Variants in ACYP2 observed in about 807,000 individuals in gnomAD.
ACYP2 encodes the protein acylphosphatase 2.
ACYP2 carries 12 observed loss-of-function variants against 11.2 expected under a neutral mutation model. That is an observed-to-expected ratio of 1.08 (90% CI 0.69 to 1.74). The LOEUF is 1.74. ACYP2 is among the 40% of genes most tolerant of loss of function. The pLI, the probability that ACYP2 is intolerant of heterozygous loss-of-function variation, is 0.00. For synonymous variants in ACYP2, 43 were observed against 32.2 expected (o/e 1.33, Z -1.13); for missense variants, 134 against 101.9 (o/e 1.31, Z -1.35).
chr2:54,141,642 A>G (rs1177400717), intron 6 of ACYP2, among the ~76,000 whole-genome samples: 5 of 152,136 alleles, frequency 3.3e-5, no homozygotes, highest in African/African-American at 1.2e-4. Flanking sequence ...AGTATACCAT[A>G]TTGATTTAAT....
At chr2:53,981,888 GATGT>G (rs1292979842) in intron 2 of ACYP2, among the ~76,000 whole-genome samples, 1 of 152,108 alleles carries the variant, frequency 6.6e-6, no homozygotes, top group African/African-American at 2.4e-5. Flanking sequence ...GTCATTAAGT[GATGT>G]ATTTATTTAA....
intron 6 of ACYP2, among the ~76,000 whole-genome samples, chr2:54,172,253 T>C (rs573884376): frequency 7.7e-4 from 117 of 152,136 alleles, no homozygotes; most frequent in African/African-American, 2.8e-3. Flanking sequence ...CTAACCATGG[T>C]CATTAAAAAA....
chr2:54,225,628 G>A (rs1685983322), intron 6 of ACYP2, among the ~76,000 whole-genome samples: 1 of 151,982 alleles, frequency 6.6e-6, no homozygotes, highest in African/African-American at 2.4e-5. Flanking sequence ...TTTTAACTTC[G>A]TCTTTTGTAT....
intron 2 of ACYP2, among the ~76,000 whole-genome samples, chr2:53,976,860 A>G (rs1241692712): frequency 6.6e-6 from 1 of 152,176 alleles, no homozygotes; most frequent in Non-Finnish European, 1.5e-5. Flanking sequence ...GCATTCTGTC[A>G]TTTCACTAAA....
chr2:54,228,475 T>C (rs781230535), intron 6 of ACYP2, among the ~76,000 whole-genome samples: 2 of 152,196 alleles, frequency 1.3e-5, no homozygotes, highest in Non-Finnish European at 2.9e-5. Context: ...CTTAAGGTCA[T>C]ACGATCTGTG....
chr2:54,051,697 G>A (rs1385248892), intron 3 of ACYP2: 2 of 634,856 alleles, frequency 3.2e-6, no homozygotes, highest in Non-Finnish European at 5.7e-6. Flanking sequence ...TTGAGCTAAA[G>A]GAAAGCCTGA....
intron 6 of ACYP2, among the ~76,000 whole-genome samples, chr2:54,215,799 A>C (rs1459446395): frequency 6.6e-6 from 1 of 152,192 alleles, no homozygotes; most frequent in Non-Finnish European, 1.5e-5. Context: ...CATTGTATTT[A>C]TGTATAAAAT....
At chr2:54,023,390 A>G (rs1216182260) in intron 2 of ACYP2, among the ~76,000 whole-genome samples, 1 of 152,170 alleles carries the variant, frequency 6.6e-6, no homozygotes, top group Non-Finnish European at 1.5e-5. Flanking sequence ...CCTAGGCTCA[A>G]GTAGTCCTTT....
chr2:54,274,193 G>T (rs1202988420), intron 6 of ACYP2, among the ~76,000 whole-genome samples: 4 of 152,192 alleles, frequency 2.6e-5, no homozygotes, highest in Non-Finnish European at 5.9e-5. Flanking sequence ...CAGCAGGCAA[G>T]AAAAGAGAGC....
intron 2 of ACYP2, among the ~76,000 whole-genome samples, chr2:53,979,041 T>C (rs549646697): frequency 1.3e-5 from 2 of 152,260 alleles, no homozygotes; most frequent in East Asian, 3.9e-4. Context: ...TTATTTTAAA[T>C]TGTACTCCTT....
chr2:54,138,790 G>A (rs1681424993), intron 6 of ACYP2, 42 bp downstream of exon 3: 1 of 1,546,198 alleles, frequency 6.5e-7, no homozygotes, highest in Non-Finnish European at 8.9e-7. Flanking sequence ...AATTTATGAG[G>A]CTGCTGTTTT....
At chr2:54,286,380 G>A (rs1005618273) in intron 6 of ACYP2, among the ~76,000 whole-genome samples, 2 of 151,988 alleles carry the variant, frequency 1.3e-5, no homozygotes, top group Non-Finnish European at 2.9e-5. Context: ...TCTACTAAAT[G>A]TTTATCATGT....
intron 6 of ACYP2, among the ~76,000 whole-genome samples, chr2:54,225,853 A>T (rs1380925411): frequency 2.0e-5 from 3 of 152,144 alleles, no homozygotes; most frequent in Non-Finnish European, 4.4e-5. Context: ...ATATACAACA[A>T]CAGGGATGGA....
intron 4 of ACYP2, chr2:54,082,530 G>GCCA (rs1377733797): frequency 6.6e-6 from 1 of 152,120 alleles, no homozygotes; most frequent in East Asian, 1.9e-4. Context: ...ACAGGTGTGA[G>GCCA]CCACCACACC....
intron 2 of ACYP2, among the ~76,000 whole-genome samples, chr2:54,038,489 T>G (rs1445852414): frequency 6.6e-6 from 1 of 151,916 alleles, no homozygotes; most frequent in African/African-American, 2.4e-5. Context: ...AAGCACTACA[T>G]AAGTTATTGA....
chr2:54,296,442 A>T (rs940856136), intron 6 of ACYP2, among the ~76,000 whole-genome samples: 1 of 152,250 alleles, frequency 6.6e-6, no homozygotes, highest in Non-Finnish European at 1.5e-5. Flanking sequence ...TTTATTACAC[A>T]AATAGATTTT....
chr2:54,269,620 G>C (rs17045754), intron 6 of ACYP2, among the ~76,000 whole-genome samples: 23,431 of 152,090 alleles, frequency 0.15, 1,805 homozygotes, highest in African/African-American at 0.18. Flanking sequence ...GTGAAAGATC[G>C]TAACTCTAGG....
At chr2:54,301,967 A>C (rs1224361286) in intron 6 of ACYP2, among the ~76,000 whole-genome samples, 1 of 152,156 alleles carries the variant, frequency 6.6e-6, no homozygotes, top group Non-Finnish European at 1.5e-5. Flanking sequence ...CATCCTCCCC[A>C]CAGGGTAAAC....
chr2:54,005,478 T>A (rs1673016855), intron 2 of ACYP2, among the ~76,000 whole-genome samples: 1 of 152,002 alleles, frequency 6.6e-6, no homozygotes, highest in Non-Finnish European at 1.5e-5. Context: ...TAGTTGGGAG[T>A]ACAGGCGTGT....
Sources: allele counts gnomAD v4.1 joint callset (sites outside exome capture counted in the v4.1 genomes callset), GRCh38; gene constraint gnomAD v4.1.1; transcripts MANE v1.5; gene names NCBI Gene and HGNC (gene_info 2026-07-23, HGNC 2026-07-21).